EDA: variants seen among roughly 807,000 people sequenced by gnomAD.
EDA encodes ectodysplasin A, also known as ectodysplasin-A.
EDA carries 2 observed loss-of-function variants against 23.6 expected under a neutral mutation model. That is an observed-to-expected ratio of 0.08 (90% CI 0.03 to 0.27). EDA has a LOEUF of 0.27. Among genes scored for constraint, EDA ranks in the 10% least tolerant of loss-of-function variants. EDA has a pLI of 1.00. For synonymous variants in EDA, 131 were observed against 132.0 expected (o/e 0.99, Z 0.05); for missense variants, 229 against 324.2 (o/e 0.71, Z 2.26).
intron 1 of EDA, among the ~76,000 whole-genome samples, chrX:69,870,219 G>A (rs140593084): frequency 0.014 from 1,554 of 111,426 alleles, 19 homozygotes; most frequent in African/African-American, 0.046. Flanking sequence ...CCTACTTAGT[G>A]GGCCCAAATC....
chrX:69,871,749 A>T (rs1449838391), intron 1 of EDA, among the ~76,000 whole-genome samples: 1 of 112,434 alleles, frequency 8.9e-6, no homozygotes, highest in African/African-American at 3.2e-5. Flanking sequence ...CTTTGGGACT[A>T]TGTTAAACAT....
At position 69,852,643 on chromosome X, in the gene EDA, G is replaced by A. The variant is rs780677166; in HGVS notation, c.397-104384G>A. ...GAGAAAGGTGGGAGGTCAGATTGGA[G>A]AGCCCCGAATTAAGCCAAGATTTCC... On this transcript the variant is annotated intron_variant, in intron 1 of 7. Transcript: ENST00000374552. Among the ~76,000 whole-genome samples the A allele has an allele frequency of 5.4e-5, 6 of 111,337 alleles. No individual in the cohort carries two copies. The South Asian group carries it at 2.3e-3, about 43-fold the overall frequency.
chrX:69,906,816 A>G (rs59251116), intron 1 of EDA, among the ~76,000 whole-genome samples: 10,591 of 112,127 alleles, frequency 0.094, 1,080 homozygotes, highest in East Asian at 0.71. Flanking sequence ...GTATTTATGT[A>G]AAAGAAAAAA....
At chrX:69,764,494 C>T (rs2014413306) in intron 1 of EDA, among the ~76,000 whole-genome samples, 1 of 109,271 alleles carries the variant, frequency 9.2e-6, no homozygotes, top group Non-Finnish European at 1.9e-5. Context: ...CCACCCGCCT[C>T]TCCCTCCCAA....
intron 1 of EDA, among the ~76,000 whole-genome samples, chrX:69,874,778 T>C (rs1176812338): frequency 8.9e-6 from 1 of 111,975 alleles, no homozygotes; most frequent in Non-Finnish European, 1.9e-5. Context: ...GGTAAATTAA[T>C]TCAGCAAAGT....
intron 1 of EDA, among the ~76,000 whole-genome samples, chrX:69,771,328 G>A (rs913287543): frequency 1.4e-4 from 16 of 111,125 alleles, no homozygotes; most frequent in East Asian, 2.8e-4. Flanking sequence ...AAAGTGCTGG[G>A]ATTACACGCG....
chrX:69,628,272 A>T (rs1443825603), intron 1 of EDA, among the ~76,000 whole-genome samples: 3 of 111,852 alleles, frequency 2.7e-5, no homozygotes, highest in Non-Finnish European at 5.6e-5. Flanking sequence ...ATGCTGCGAA[A>T]GCACTTTTGC....
chrX:69,638,878 A>G (rs1426592826), intron 1 of EDA, among the ~76,000 whole-genome samples: 4 of 111,179 alleles, frequency 3.6e-5, no homozygotes, highest in Non-Finnish European at 7.6e-5. Context: ...CTATTTCCAG[A>G]ATGTTTTTAT....
intron 1 of EDA, among the ~76,000 whole-genome samples, chrX:69,783,997 G>C (rs761917644): frequency 0.016 from 1,733 of 108,394 alleles, 44 homozygotes; most frequent in African/African-American, 0.055. Flanking sequence ...ACTGGTGTGA[G>C]ATGGTATGTC....
intron 2 of EDA, among the ~76,000 whole-genome samples, chrX:70,020,257 T>C (rs1602611655): frequency 9.0e-6 from 1 of 111,678 alleles, no homozygotes; most frequent in Non-Finnish European, 1.9e-5. Context: ...GACAAGTGTA[T>C]AAAAATGTAC....
intron 1 of EDA, among the ~76,000 whole-genome samples, chrX:69,886,995 G>A (rs955640188): frequency 1.8e-5 from 2 of 112,172 alleles, no homozygotes. Context: ...AACAAATAAA[G>A]TTCCAATTAC....
intron 1 of EDA, among the ~76,000 whole-genome samples, chrX:69,679,576 C>T (rs1391594840): frequency 9.0e-6 from 1 of 111,581 alleles, no homozygotes; most frequent in Non-Finnish European, 1.9e-5. Context: ...GGAATTTATC[C>T]ATTTCTTCTA....
At chrX:69,621,951 A>T (rs1932197904) in intron 1 of EDA, among the ~76,000 whole-genome samples, 1 of 110,562 alleles carries the variant, frequency 9.0e-6, no homozygotes, top group South Asian at 3.9e-4. Flanking sequence ...TAGAGACAGG[A>T]TCTCTCTATG....
In EDA at chrX:69,989,663, A is replaced by C. The variant is rs1336195189; in HGVS notation, c.502+32531A>C. ...AATATATATATAATCTCAGCAAAGA[A>C]ATAGAAGTTATAAAAATAAGCAAAT... On this transcript the variant is annotated intron_variant, in intron 2 of 7. Transcript: ENST00000374552. Among the ~76,000 whole-genome samples the C allele has an allele frequency of 2.7e-5, 3 of 111,737 alleles. No homozygotes were observed. The East Asian group carries it at 8.4e-4, about 31-fold the overall frequency.
intron 1 of EDA, among the ~76,000 whole-genome samples, chrX:69,736,482 A>AC (rs2013262903): frequency 9.2e-6 from 1 of 109,029 alleles, no homozygotes; most frequent in Non-Finnish European, 1.9e-5. Context: ...GACATGCACC[A>AC]CCATGCCTGG....
At chrX:69,856,445 T>C (rs762629187) in intron 1 of EDA, among the ~76,000 whole-genome samples, 2 of 110,788 alleles carry the variant, frequency 1.8e-5, no homozygotes, top group Admixed American at 1.9e-4. Flanking sequence ...TCTATACTCT[T>C]TTCCATAAAG....
intron 2 of EDA, among the ~76,000 whole-genome samples, chrX:69,982,055 G>T (rs761390622): frequency 9.0e-6 from 1 of 111,429 alleles, no homozygotes; most frequent in South Asian, 3.8e-4. Flanking sequence ...GATAGGACTT[G>T]TCAAGTGGAG....
rs757594864 is a variant in EDA at position 69,751,790 on chromosome X, T to TG, written c.396+135087dup. ...GGTATTTTATTCCCTTTGAAGCAAT[T>TG]GTGAATGGGAGTTCACTCATGATTT... On this transcript the variant is annotated intron_variant, in intron 1 of 7. Coordinates refer to ENST00000374552, the MANE Select transcript of EDA (RefSeq NM_001399.5). Among the ~76,000 whole-genome samples the TG allele has an allele frequency of 2.7e-3, 298 of 110,750 alleles. 2 individuals are homozygous for TG. The highest frequency in any genetic ancestry group is 9.4e-3 in the African/African-American group (284 of 30,154).
chrX:69,829,063 CTTGT>C (rs1313882082), intron 1 of EDA, among the ~76,000 whole-genome samples: 1 of 112,259 alleles, frequency 8.9e-6, no homozygotes, highest in Non-Finnish European at 1.9e-5. Context: ...ATCATATCAC[CTTGT>C]TTATTTCCTT....
Sources: gnomAD v4.1 joint callset for allele counts (sites outside exome capture counted in the v4.1 genomes callset) on GRCh38, gnomAD v4.1.1 for gene constraint, MANE v1.5 for transcripts, NCBI Gene and HGNC (gene_info 2026-07-23, HGNC 2026-07-21) for gene names.